Variants in DMRT1 observed in about 807,000 individuals in gnomAD.
The protein encoded by DMRT1 is doublesex and mab-3 related transcription factor 1, also known as doublesex- and mab-3-related transcription factor 1.
A neutral mutation model predicts 32.3 loss-of-function variants in DMRT1; 7 were observed. That is an observed-to-expected ratio of 0.22 (90% CI 0.12 to 0.41). The LOEUF (loss-of-function observed/expected upper bound fraction) is 0.41. DMRT1 is among the 10% of genes least tolerant of loss of function. The pLI, the probability that DMRT1 is intolerant of heterozygous loss-of-function variation, is 1.00. For synonymous variants in DMRT1, 278 were observed against 206.1 expected (o/e 1.35, Z -2.99); for missense variants, 625 against 500.5 (o/e 1.25, Z -2.37).
intron 4 of DMRT1, among the ~76,000 whole-genome samples, chr9:944,701 T>C (rs1819185180): frequency 6.6e-6 from 1 of 152,220 alleles, no homozygotes; most frequent in Non-Finnish European, 1.5e-5. Flanking sequence ...CCAAGCCTGA[T>C]TCTTGCTTTT....
At chr9:873,451 G>A (rs1219707821) in intron 2 of DMRT1, among the ~76,000 whole-genome samples, 1 of 151,616 alleles carries the variant, frequency 6.6e-6, no homozygotes, top group East Asian at 1.9e-4. Context: ...GATTACAGGT[G>A]CCTGCCACCA....
At chr9:881,592 C>T (rs1202346725) in intron 2 of DMRT1, among the ~76,000 whole-genome samples, 2 of 152,192 alleles carry the variant, frequency 1.3e-5, no homozygotes, top group Non-Finnish European at 2.9e-5. Context: ...ATAAATTAGG[C>T]TTCTCCATTT....
chr9:930,646 G>A lies in DMRT1; in HGVS notation c.967+13739G>A, dbSNP rs542725886. 5.6e-4 allele frequency among the ~76,000 whole-genome samples: 85 copies of A among 152,168 alleles called. 1 individual carries two copies. The highest frequency in any genetic ancestry group is 2.0e-3 in the African/African-American group (83 of 41,514). ...GATGGTCTCGATCTCCTGACCTCGT[G>A]ATCTGCCTGCCTCAGCTTCCCAAAG... On this transcript the variant is annotated intron_variant, in intron 4 of 4. Coordinates refer to ENST00000382276, the MANE Select transcript of DMRT1 (RefSeq NM_021951.3).
At chr9:937,115 T>C (rs930225996) in intron 4 of DMRT1, among the ~76,000 whole-genome samples, 4 of 152,246 alleles carry the variant, frequency 2.6e-5, no homozygotes, top group African/African-American at 9.6e-5. Context: ...CTTTTGCATC[T>C]GGCTTATTTC....
At chr9:865,929 C>G (rs1257076039) in intron 2 of DMRT1, among the ~76,000 whole-genome samples, 1 of 151,974 alleles carries the variant, frequency 6.6e-6, no homozygotes, top group African/African-American at 2.4e-5. Flanking sequence ...TTTGGGAGGC[C>G]AAGGTGGGCG....
chr9:883,454 C>T (rs745980824), intron 2 of DMRT1, among the ~76,000 whole-genome samples: 2 of 152,030 alleles, frequency 1.3e-5, no homozygotes, highest in African/African-American at 2.4e-5. Flanking sequence ...CAGTCATCAT[C>T]GAATGACACA....
chr9:958,724 C>T (rs1273184330), intron 4 of DMRT1, among the ~76,000 whole-genome samples: 1 of 152,162 alleles, frequency 6.6e-6, no homozygotes. Context: ...GATGCACATC[C>T]TAAGTGTAAA....
intron 3 of DMRT1, among the ~76,000 whole-genome samples, chr9:902,964 C>T (rs911582603): frequency 7.2e-5 from 11 of 152,150 alleles, no homozygotes; most frequent in African/African-American, 2.4e-4. Flanking sequence ...TAAGGAAATG[C>T]AACTCCAAAG....
intron 3 of DMRT1, among the ~76,000 whole-genome samples, chr9:916,171 A>G (rs765215788): frequency 1.3e-5 from 2 of 152,146 alleles, no homozygotes; most frequent in African/African-American, 2.4e-5. Flanking sequence ...GTTACAGCAG[A>G]TTGTGTTGTC....
chr9:920,411 G>C (rs1033152995), intron 4 of DMRT1, among the ~76,000 whole-genome samples: 4 of 152,156 alleles, frequency 2.6e-5, no homozygotes, highest in African/African-American at 9.7e-5. Context: ...ATTTTAATGA[G>C]AGCCAAAGAG....
chr9:863,831 A>C (rs1477317348), intron 2 of DMRT1, among the ~76,000 whole-genome samples: 2 of 152,192 alleles, frequency 1.3e-5, no homozygotes, highest in African/African-American at 2.4e-5. Context: ...CGTATGTTTA[A>C]AGGCCATTTG....
chr9:936,122 A>G (rs377015957), intron 4 of DMRT1, among the ~76,000 whole-genome samples: 1 of 152,190 alleles, frequency 6.6e-6, no homozygotes, highest in African/African-American at 2.4e-5. Flanking sequence ...GAAGAAAGTG[A>G]ATTTTGTAAA....
chr9:902,686 G>T (rs563873747), intron 3 of DMRT1, among the ~76,000 whole-genome samples: 2 of 151,658 alleles, frequency 1.3e-5, no homozygotes, highest in African/African-American at 4.8e-5. Flanking sequence ...ACAGGGTTTC[G>T]CCATGTTGGC....
chr9:881,595 C>T (rs1341434765), intron 2 of DMRT1, among the ~76,000 whole-genome samples: 1 of 152,214 alleles, frequency 6.6e-6, no homozygotes, highest in African/African-American at 2.4e-5. Flanking sequence ...AATTAGGCTT[C>T]TCCATTTTAA....
chr9:913,368 A>G (rs893915190), intron 3 of DMRT1, among the ~76,000 whole-genome samples: 4 of 152,062 alleles, frequency 2.6e-5, no homozygotes, highest in African/African-American at 9.7e-5. Context: ...AGACTGTGTA[A>G]TTGACTTAAG....
intron 2 of DMRT1, among the ~76,000 whole-genome samples, chr9:870,253 G>T (rs1435175354): frequency 6.6e-6 from 1 of 152,164 alleles, no homozygotes; most frequent in African/African-American, 2.4e-5. Context: ...CAAAAAATTA[G>T]CTGGGCGTGG....
chr9:879,890 C>T (rs181761355), intron 2 of DMRT1, among the ~76,000 whole-genome samples: 2 of 152,310 alleles, frequency 1.3e-5, no homozygotes, highest in East Asian at 1.9e-4. Flanking sequence ...AATGTTGACA[C>T]ATTTTATTAC....
At chr9:902,685 C>T (rs769649413) in intron 3 of DMRT1, among the ~76,000 whole-genome samples, 17 of 150,422 alleles carry the variant, frequency 1.1e-4, no homozygotes, top group South Asian at 4.3e-4. Context: ...GACAGGGTTT[C>T]GCCATGTTGG....
intron 2 of DMRT1, among the ~76,000 whole-genome samples, chr9:884,878 G>A (rs1816865785): frequency 6.6e-6 from 1 of 152,174 alleles, no homozygotes; most frequent in East Asian, 1.9e-4. Context: ...GCTGAGGCAG[G>A]AGAATCACTT....
Sources: allele counts gnomAD v4.1 joint callset (sites outside exome capture counted in the v4.1 genomes callset), GRCh38; gene constraint gnomAD v4.1.1; transcripts MANE v1.5; gene names NCBI Gene and HGNC (gene_info 2026-07-23, HGNC 2026-07-21).